CHL1: variants seen among roughly 807,000 people sequenced by gnomAD.
CHL1 encodes cell adhesion molecule L1 like, also known as neural cell adhesion molecule L1-like protein.
CHL1 carries 96 observed loss-of-function variants against 141.9 expected under a neutral mutation model. That is an observed-to-expected ratio of 0.68 (90% CI 0.57 to 0.80). The LOEUF (loss-of-function observed/expected upper bound fraction) is 0.80. CHL1 is among the 30% of genes least tolerant of loss of function. The pLI, the probability that CHL1 is intolerant of heterozygous loss-of-function variation, is 0.00. For synonymous variants in CHL1, 613 were observed against 502.2 expected, an observed-to-expected ratio of 1.22 and a Z score of -2.95; for missense variants, 1,820 against 1,457.2, an observed-to-expected ratio of 1.25 and a Z score of -4.05.
chr3:404,273 G>T (rs1043578399), intron 27 of CHL1, among the ~76,000 whole-genome samples: 1 of 152,046 alleles, frequency 6.6e-6, no homozygotes, highest in Admixed American at 6.6e-5. Flanking sequence ...CACAGAGTAG[G>T]CAAAGAAGTG....
At chr3:295,009 T>C (rs1045939509) in intron 2 of CHL1, among the ~76,000 whole-genome samples, 5 of 152,244 alleles carry the variant, frequency 3.3e-5, no homozygotes, top group African/African-American at 4.8e-5. Context: ...TGTAGAGAGA[T>C]TAAACTTTGT....
intron 2 of CHL1, among the ~76,000 whole-genome samples, chr3:268,674 A>G (rs1559360092): frequency 2.0e-5 from 3 of 152,232 alleles, no homozygotes; most frequent in Non-Finnish European, 1.5e-5. Flanking sequence ...TGCACATGCC[A>G]TAAATATATC....
intron 1 of CHL1, among the ~76,000 whole-genome samples, chr3:234,687 T>C (rs1157357030): frequency 6.6e-6 from 1 of 152,042 alleles, no homozygotes; most frequent in Non-Finnish European, 1.5e-5. Flanking sequence ...AAGCAGCAGG[T>C]GCAATGGCTC....
At chr3:305,496 G>GT (rs1478106917) in intron 2 of CHL1, among the ~76,000 whole-genome samples, 1 of 151,930 alleles carries the variant, frequency 6.6e-6, no homozygotes, top group Non-Finnish European at 1.5e-5. Flanking sequence ...ATCTTTCACA[G>GT]TTTCTCCTTC....
intron 1 of CHL1, among the ~76,000 whole-genome samples, chr3:226,090 C>T (rs1165193862): frequency 6.6e-6 from 1 of 150,968 alleles, no homozygotes; most frequent in African/African-American, 2.4e-5. Flanking sequence ...GGCACGATCT[C>T]AGCTCACTGC....
At chr3:267,689 A>C (rs936360408) in intron 2 of CHL1, among the ~76,000 whole-genome samples, 3 of 152,188 alleles carry the variant, frequency 2.0e-5, no homozygotes, top group African/African-American at 7.2e-5. Flanking sequence ...ACGTGAGGCT[A>C]GGTTCTCATT....
At chr3:267,134 G>T (rs569039509) in intron 2 of CHL1, among the ~76,000 whole-genome samples, 1 of 152,044 alleles carries the variant, frequency 6.6e-6, no homozygotes, top group East Asian at 1.9e-4. Flanking sequence ...TATTTACTTT[G>T]TGCTCTTTCA....
At position 228,927 on chromosome 3, in the gene CHL1, G is replaced by GA. The variant is rs201083297; in HGVS notation, c.-174-15677dup. 2.5e-3 allele frequency among the ~76,000 whole-genome samples: 378 copies of GA among 150,684 alleles called. 1 individual carries two copies. The highest frequency in any genetic ancestry group is 8.1e-3 in the African/African-American group (334 of 41,122). On this transcript the variant is annotated intron_variant, in intron 1 of 27. Coordinates refer to ENST00000256509, the MANE Select transcript of CHL1 (RefSeq NM_006614.4). ...AGTAAAAAATGATCTTTTACAGAAG[G>GA]AAAAAAAAACTGATTTAAATCTTTA...
At chr3:401,816 A>G (rs1301262112) in intron 27 of CHL1, 118 bp downstream of exon 27, 2 of 589,874 alleles carry the variant, frequency 3.4e-6, no homozygotes, top group East Asian at 3.2e-5. Context: ...TAATGACCCT[A>G]TAAAGAATAC....
At chr3:286,679 C>T (rs1335917401) in intron 2 of CHL1, among the ~76,000 whole-genome samples, 7 of 150,288 alleles carry the variant, frequency 4.7e-5, no homozygotes, top group Admixed American at 3.3e-4. Context: ...ATAGACAGAA[C>T]AGAAGCATGA....
chr3:343,864 A>G (rs1345600636), intron 8 of CHL1, among the ~76,000 whole-genome samples: 1 of 152,236 alleles, frequency 6.6e-6, no homozygotes, highest in East Asian at 1.9e-4. Context: ...ATCATTGCAC[A>G]TAGTACATAT....
intron 19 of CHL1, among the ~76,000 whole-genome samples, chr3:388,562 A>G (rs13083074): frequency 0.61 from 92,372 of 150,520 alleles, 33,201 homozygotes; most frequent in South Asian, 0.8. Flanking sequence ...AAAAAAAAAA[A>G]AAAAAGAAAC....
intron 10 of CHL1, among the ~76,000 whole-genome samples, chr3:353,378 A>G (rs1703431813): frequency 6.6e-6 from 1 of 152,216 alleles, no homozygotes; most frequent in African/African-American, 2.4e-5. Flanking sequence ...ATATCATTAA[A>G]AAAATGCAAA....
At chr3:313,585 A>G (rs1699921582) in intron 2 of CHL1, among the ~76,000 whole-genome samples, 1 of 152,216 alleles carries the variant, frequency 6.6e-6, no homozygotes, top group Non-Finnish European at 1.5e-5. Context: ...TTATTAGGAA[A>G]TGATTATTAT....
chr3:346,892 G>T (rs376332382), intron 9 of CHL1, among the ~76,000 whole-genome samples: 4 of 152,134 alleles, frequency 2.6e-5, no homozygotes, highest in South Asian at 4.2e-4. Flanking sequence ...CTATATTTGG[G>T]TCTTTGAAAA....
At chr3:375,973 C>G (rs929587659) in intron 15 of CHL1, among the ~76,000 whole-genome samples, 1 of 152,034 alleles carries the variant, frequency 6.6e-6, no homozygotes, top group South Asian at 2.1e-4. Context: ...GACTGGATAC[C>G]GCAGATGAAG....
intron 11 of CHL1, among the ~76,000 whole-genome samples, chr3:356,626 C>G (rs138063370): frequency 3.9e-5 from 6 of 152,092 alleles, no homozygotes; most frequent in African/African-American, 1.4e-4. Flanking sequence ...AATAGTAAGA[C>G]CCCTGTGGTA....
chr3:377,900 G>A lies in CHL1; in HGVS notation c.1834G>A (p.Ala612Thr), dbSNP rs758780388. Residue 612 changes from alanine (A) to threonine (T), a missense_variant, in exon 16 of 28, where the codon GCT becomes ACT. Ala to Thr is a moderately conservative substitution (Grantham distance 58). Transcript: ENST00000256509. ...TATTTACTGCTGTTCAGCTCATACT[G>A]CTCTAGACAGTGCTGCCGATATAAC... The part of the protein sequence containing the change: ...QGIYCCSAHT[A>T]LDSAADITQV... The A allele has an allele frequency of 6.2e-7, 1 of 1,612,818 alleles. No individual in the cohort carries two copies. The highest frequency in any genetic ancestry group is 1.3e-5 in the African/African-American group (1 of 74,958).
Position 346,949 on chromosome 3 carries a change from T to C in CHL1, c.848+2240T>C, listed in dbSNP as rs1266781354. ...TTTTACTTGAAAGAATAAAGTAAAATGATTATCTATAAGTGTCAGGTGAAC... is the reference window on the plus strand; with the variant it reads ...TTTTACTTGAAAGAATAAAGTAAAACGATTATCTATAAGTGTCAGGTGAAC... On this transcript the variant is annotated intron_variant, in intron 9 of 27. Coordinates refer to ENST00000256509, the MANE Select transcript of CHL1 (RefSeq NM_006614.4). Among the ~76,000 whole-genome samples the C allele has an allele frequency of 1.1e-4, 16 of 152,286 alleles. No individual in the cohort carries two copies. In the South Asian group the frequency reaches 2.5e-3, roughly 24 times the overall value.
Sources: allele counts gnomAD v4.1 joint callset (sites outside exome capture counted in the v4.1 genomes callset), GRCh38; gene constraint gnomAD v4.1.1; transcripts MANE v1.5; gene names NCBI Gene and HGNC (gene_info 2026-07-23, HGNC 2026-07-21).